The following DSCAM variants were observed in gnomAD, a reference collection of about 807,000 sequenced individuals.
The protein encoded by DSCAM is cell adhesion molecule DSCAM.
DSCAM carries 47 observed loss-of-function variants against 217.7 expected under a neutral mutation model. The observed-to-expected ratio is 0.22, with a 90% CI of 0.17 to 0.28. The LOEUF is 0.28. Ranked by LOEUF, DSCAM falls within the 10% of genes least tolerant of loss-of-function variation. The pLI is 1.00. For missense variants in DSCAM, 2,080 were observed against 2,618.3 expected, an observed-to-expected ratio of 0.79 and a Z score of 4.49; for synonymous variants, 1,056 against 1,015.3, an observed-to-expected ratio of 1.04 and a Z score of -0.76.
At chr21:40,612,099 A>G (rs1419482397) in intron 3 of DSCAM, among the ~76,000 whole-genome samples, 2 of 152,218 alleles carry the variant, frequency 1.3e-5, no homozygotes, top group African/African-American at 4.8e-5. Flanking sequence ...GCTGGATTCT[A>G]TCTGAAAAGC....
At chr21:40,298,443 A>G (rs1253964558) in intron 9 of DSCAM, among the ~76,000 whole-genome samples, 2 of 152,184 alleles carry the variant, frequency 1.3e-5, no homozygotes, top group African/African-American at 2.4e-5. Flanking sequence ...TACACAGCCA[A>G]TGGGTTTCTG....
In DSCAM at chr21:40,112,214, G is replaced by A. The variant is rs558108334; in HGVS notation, c.3696+11981C>T. ...AAAAGAACAGAAATTATAACAAACT[G>A]TCTCTCAGACCACAGGTCAATCAAA... is the stretch of plus-strand genomic sequence containing the variant. On this transcript the variant is annotated intron_variant, in intron 20 of 32. Transcript: ENST00000400454. Among the ~76,000 whole-genome samples the A allele has an allele frequency of 1.2e-4, 18 of 147,804 alleles. 3 individuals are homozygous for A. The South Asian group carries it at 1.3e-3, about 11-fold the overall frequency.
intron 3 of DSCAM, among the ~76,000 whole-genome samples, chr21:40,372,363 C>G (rs1274138667): frequency 6.6e-6 from 1 of 152,240 alleles, no homozygotes; most frequent in East Asian, 1.9e-4. Context: ...CTGTCTCATT[C>G]TGTCTCCCTT....
At chr21:40,729,515 C>A (rs1054407480) in intron 1 of DSCAM, among the ~76,000 whole-genome samples, 3 of 152,152 alleles carry the variant, frequency 2.0e-5, no homozygotes, top group Non-Finnish European at 4.4e-5. Flanking sequence ...TCATCTAAAG[C>A]CTTATAAACT....
intron 27 of DSCAM, among the ~76,000 whole-genome samples, chr21:40,069,076 A>C (rs2089251912): frequency 6.7e-6 from 1 of 148,304 alleles, no homozygotes; most frequent in African/African-American, 2.5e-5. Context: ...AAAGAGCAAA[A>C]CTCTGTCTCA....
chr21:40,343,006 G>A (rs1482231127), intron 6 of DSCAM, among the ~76,000 whole-genome samples: 1 of 151,498 alleles, frequency 6.6e-6, no homozygotes, highest in Non-Finnish European at 1.5e-5. Flanking sequence ...GCAGAGTTTT[G>A]TATTTTTGTA....
intron 3 of DSCAM, among the ~76,000 whole-genome samples, chr21:40,687,930 G>A (rs2090499349): frequency 6.6e-6 from 1 of 152,194 alleles, no homozygotes; most frequent in African/African-American, 2.4e-5. Flanking sequence ...AGTTGTGGCA[G>A]TGAAGAATTA....
intron 1 of DSCAM, among the ~76,000 whole-genome samples, chr21:40,745,380 TA>T (rs767949241): frequency 1.4e-4 from 21 of 151,898 alleles, no homozygotes; most frequent in Non-Finnish European, 2.5e-4. Context: ...AAAGCAAAGA[TA>T]AAGAAGAAAT....
intron 20 of DSCAM, among the ~76,000 whole-genome samples, chr21:40,099,481 T>C (rs1176689631): frequency 6.6e-6 from 1 of 152,236 alleles, no homozygotes; most frequent in Non-Finnish European, 1.5e-5. Flanking sequence ...CACCCTTTGA[T>C]GCCACTGTGT....
chr21:40,114,526 C>T (rs1435880224), intron 20 of DSCAM, among the ~76,000 whole-genome samples: 1 of 148,992 alleles, frequency 6.7e-6, no homozygotes, highest in East Asian at 2.0e-4. Context: ...GTCTAAAACA[C>T]CAAAAGCAAT....
chr21:40,300,520 C>A (rs1395923262), intron 9 of DSCAM, among the ~76,000 whole-genome samples: 1 of 152,230 alleles, frequency 6.6e-6, no homozygotes, highest in Non-Finnish European at 1.5e-5. Context: ...TGCCAGGACA[C>A]TGCACTAAGG....
chr21:40,358,823 A>G (rs796349435), intron 4 of DSCAM, among the ~76,000 whole-genome samples: 2 of 151,976 alleles, frequency 1.3e-5, no homozygotes, highest in South Asian at 2.1e-4. Flanking sequence ...AAAAAAATTA[A>G]GAACTGTAGC....
At chr21:40,233,544 G>T (rs73225020) in intron 11 of DSCAM, among the ~76,000 whole-genome samples, 1 of 152,018 alleles carries the variant, frequency 6.6e-6, no homozygotes, top group East Asian at 1.9e-4. Context: ...AACACATTAC[G>T]TATGCTGTTG....
intron 16 of DSCAM, among the ~76,000 whole-genome samples, chr21:40,157,628 T>C (rs141660977): frequency 4.6e-4 from 70 of 152,308 alleles, no homozygotes; most frequent in African/African-American, 1.7e-3. Context: ...TATAGCTCAG[T>C]AGGGATTAAG....
In DSCAM at chr21:40,698,565, T is replaced by C. The variant is rs1247281586; in HGVS notation, c.362-5609A>G. 2.6e-5 allele frequency among the ~76,000 whole-genome samples: 4 copies of C among 152,202 alleles called. No individual in the cohort carries two copies. The East Asian group carries it at 7.8e-4, about 30-fold the overall frequency. ...GTGTGCCTGCCTAACAGGCGCCTGA[T>C]CTTGCATCAAAAGTCTTGCTTAGGC... is the stretch of plus-strand genomic sequence containing the variant. On this transcript the variant is annotated intron_variant, in intron 2 of 32. Coordinates refer to ENST00000400454, the MANE Select transcript of DSCAM (RefSeq NM_001389.5).
At chr21:40,687,048 T>C (rs1451217211) in intron 3 of DSCAM, among the ~76,000 whole-genome samples, 2 of 152,216 alleles carry the variant, frequency 1.3e-5, no homozygotes, top group African/African-American at 2.4e-5. Context: ...ATGTGCACGT[T>C]CTGAGCTGAG....
chr21:40,157,672 T>G lies in DSCAM; in HGVS notation c.3018+9546A>C, dbSNP rs565745253. On this transcript the variant is annotated intron_variant, in intron 16 of 32. Coordinates refer to ENST00000400454, the MANE Select transcript of DSCAM (RefSeq NM_001389.5). ...GGCATTCTTTCTCTAGAGCTAGGCT[T>G]TGTCTCTCTTTCCTTTTCTTTTTTC... Among the ~76,000 whole-genome samples the G allele has an allele frequency of 3.4e-4, 50 of 145,904 alleles. No individual in the cohort carries two copies. In the South Asian group the frequency reaches 0.012, roughly 34 times the overall value.
At chr21:40,175,035 C>G (rs1434854161) in intron 15 of DSCAM, among the ~76,000 whole-genome samples, 1 of 152,194 alleles carries the variant, frequency 6.6e-6, no homozygotes, top group Non-Finnish European at 1.5e-5. Flanking sequence ...GCATGAAGTC[C>G]TTGTCTTAGT....
intron 3 of DSCAM, among the ~76,000 whole-genome samples, chr21:40,663,419 G>A (rs140977334): frequency 2.6e-5 from 4 of 152,134 alleles, no homozygotes; most frequent in African/African-American, 9.6e-5. Flanking sequence ...GGAATTGCCT[G>A]TGTTGCCGGC....
Sources: gnomAD v4.1 joint callset for allele counts (sites outside exome capture counted in the v4.1 genomes callset) on GRCh38, gnomAD v4.1.1 for gene constraint, MANE v1.5 for transcripts, NCBI Gene and HGNC (gene_info 2026-07-23, HGNC 2026-07-21) for gene names.